The following TMPRSS4 variants were observed in gnomAD, a reference collection of about 807,000 sequenced individuals.
TMPRSS4 encodes transmembrane serine protease 4, also known as transmembrane protease serine 4.
Under a neutral mutation model 56.4 loss-of-function variants are expected in TMPRSS4, and 45 were observed. That is an observed-to-expected ratio of 0.80 (90% CI 0.63 to 1.02). The LOEUF is 1.02. TMPRSS4 is among the 50% of genes least tolerant of loss of function. The pLI, the probability that TMPRSS4 is intolerant of heterozygous loss-of-function variation, is 0.00. For synonymous variants in TMPRSS4, 205 were observed against 211.0 expected, an observed-to-expected ratio of 0.97 and a Z score of 0.25; for missense variants, 546 against 556.7, an observed-to-expected ratio of 0.98 and a Z score of 0.19.
chr11:118,106,488 CTT>C lies in TMPRSS4; in HGVS notation c.441-1271_441-1270del, dbSNP rs113285420. ...CCTAGGGATCATCTAGTCCACGCAT[CTT>C]TTTTTTTTTTTTTTGACAGAGTCTC... On this transcript the variant is annotated intron_variant, in intron 5 of 12. Transcript: ENST00000437212. 6.5e-3 allele frequency: 913 copies of C among 139,444 alleles called. 13 individuals carry two copies. Among genetic ancestry groups the C allele is most frequent in the African/African-American group, 0.022 (853 of 37,938 alleles). 8.6% of individuals were successfully genotyped at this position (139,444 alleles called of 1,614,324 possible).
chr11:118,096,899 GAA>G (rs1258137024), intron 2 of TMPRSS4, among the ~76,000 whole-genome samples: 3 of 49,996 alleles, frequency 6.0e-5, no homozygotes, highest in African/African-American at 1.7e-4. Flanking sequence ...AAGAAAGAAA[GAA>G]AGAAAGAAAG....
At chr11:118,099,531 G>A (rs544055040) in intron 3 of TMPRSS4, among the ~76,000 whole-genome samples, 27 of 151,734 alleles carry the variant, frequency 1.8e-4, no homozygotes, top group South Asian at 8.3e-4. Flanking sequence ...TTTGAAGAGA[G>A]CCTTCTTCTA....
At position 118,118,149 on chromosome 11, in the gene TMPRSS4, C is replaced by T; in HGVS notation, c.*236C>T. The T allele has an allele frequency of 1.4e-6, 2 of 1,419,206 alleles. No homozygotes were observed. The highest frequency in any genetic ancestry group is 3.1e-5 in the South Asian group (2 of 64,104). 87.9% of individuals were successfully genotyped at this position (1,419,206 alleles called of 1,614,324 possible). On this transcript the variant is annotated 3_prime_UTR_variant, in exon 13 of 13. Coordinates refer to ENST00000437212, the MANE Select transcript of TMPRSS4 (RefSeq NM_019894.4). ...GCCACACTTGGTGCTCCCAGCATCC[C>T]AGGGAGAGACACAGCCCACTGAACA... is the stretch of plus-strand genomic sequence containing the variant.
At chr11:118,110,321 G>A (rs1365933633) in intron 7 of TMPRSS4, among the ~76,000 whole-genome samples, 1 of 150,770 alleles carries the variant, frequency 6.6e-6, no homozygotes, top group South Asian at 2.1e-4. Context: ...ACCAAGAGGG[G>A]GATAGAGAGC....
At chr11:118,103,662 G>A (rs565348853) in intron 4 of TMPRSS4, among the ~76,000 whole-genome samples, 6 of 152,320 alleles carry the variant, frequency 3.9e-5, no homozygotes, top group East Asian at 3.9e-4. Context: ...GATTACAGGC[G>A]TGAGCCACCG....
chr11:118,113,022 C>T (rs1947357398), intron 8 of TMPRSS4, among the ~76,000 whole-genome samples: 1 of 151,960 alleles, frequency 6.6e-6, no homozygotes, highest in South Asian at 2.1e-4. Context: ...GAGCCCCTTC[C>T]CCAGCCCTCC....
intron 8 of TMPRSS4, 128 bp downstream of exon 8, chr11:118,112,028 T>A: frequency 7.5e-7 from 1 of 1,325,118 alleles, no homozygotes; most frequent in Non-Finnish European, 1.0e-6. Flanking sequence ...CAGGTTGTGG[T>A]GGCCCCAATG....
chr11:118,085,771 C>T (rs1277437741), intron 1 of TMPRSS4, among the ~76,000 whole-genome samples: 1 of 152,146 alleles, frequency 6.6e-6, no homozygotes, highest in Non-Finnish European at 1.5e-5. Flanking sequence ...TCTCGAGTCC[C>T]CTCCAGCCAT....
intron 1 of TMPRSS4, among the ~76,000 whole-genome samples, chr11:118,078,896 A>G (rs1349006700): frequency 3.3e-5 from 5 of 152,146 alleles, no homozygotes; most frequent in Non-Finnish European, 5.9e-5. Flanking sequence ...CAGAGATTAC[A>G]CAGCTAATAC....
chr11:118,101,182 A>T (rs1018744688), intron 3 of TMPRSS4, among the ~76,000 whole-genome samples: 6 of 152,174 alleles, frequency 3.9e-5, no homozygotes, highest in Non-Finnish European at 8.8e-5. Context: ...TGGGAAAATA[A>T]AGCCTGACCT....
chr11:118,085,787 A>G (rs899581786), intron 1 of TMPRSS4, among the ~76,000 whole-genome samples: 13 of 152,168 alleles, frequency 8.5e-5, no homozygotes, highest in African/African-American at 2.9e-4. Context: ...GCCATTGTCC[A>G]GGCATTGTCC....
chr11:118,110,465 C>T (rs1224776442), intron 7 of TMPRSS4, among the ~76,000 whole-genome samples: 2 of 152,122 alleles, frequency 1.3e-5, no homozygotes, highest in African/African-American at 4.8e-5. Flanking sequence ...CCTCAGCCCC[C>T]TAAATAGCTG....
chr11:118,084,949 A>T (rs1195983412), intron 1 of TMPRSS4, among the ~76,000 whole-genome samples: 1 of 152,194 alleles, frequency 6.6e-6, no homozygotes, highest in South Asian at 2.1e-4. Context: ...TGATCAAGGC[A>T]GCTGAGACCC....
intron 1 of TMPRSS4, among the ~76,000 whole-genome samples, chr11:118,092,124 T>G (rs868568901): frequency 6.6e-6 from 1 of 152,134 alleles, no homozygotes; most frequent in Non-Finnish European, 1.5e-5. Flanking sequence ...CTGACCACCC[T>G]ATGAGAGAAG....
rs1947797670 is a variant in TMPRSS4 at position 118,121,636 on chromosome 11, G to A, written c.*3723G>A. ...GGCCTCCCAAAGTGCTGGGATTACA[G>A]GCGTGTCTACATATTATTAAAATAA... On this transcript the variant is annotated 3_prime_UTR_variant, in exon 13 of 13. Coordinates refer to ENST00000437212, the MANE Select transcript of TMPRSS4 (RefSeq NM_019894.4). 3 of 152,166 alleles carry A rather than the reference G, an allele frequency of 2.0e-5. No individual in the cohort carries two copies. The highest frequency in any genetic ancestry group is 4.4e-5 in the Non-Finnish European group (3 of 68,042). 9.4% of individuals were successfully genotyped at this position (152,166 alleles called of 1,614,324 possible).
downstream of TMPRSS4, among the ~76,000 whole-genome samples, chr11:118,124,982 A>G (rs626562): frequency 0.97 from 148,069 of 152,302 alleles, 72,001 homozygotes; most frequent in East Asian, 1. Context: ...TTCCATTCCC[A>G]CAGTTGTAAA....
chr11:118,107,617 G>A, intron 5 of TMPRSS4, 157 bp from the exon 6 acceptor site: 2 of 581,190 alleles, frequency 3.4e-6, no homozygotes, highest in Non-Finnish European at 6.1e-6. Flanking sequence ...AGCAAAGCAG[G>A]CCCCATCTTC....
At chr11:118,117,804 A>C in intron 12 of TMPRSS4, 98 bp from the exon 13 acceptor site, 1 of 1,611,310 alleles carries the variant, frequency 6.2e-7, no homozygotes, top group Non-Finnish European at 8.5e-7. Context: ...GGAGAGAAGC[A>C]AAGTGTTTCA....
At chr11:118,088,609 G>A (rs1424563434) in intron 1 of TMPRSS4, among the ~76,000 whole-genome samples, 1 of 152,180 alleles carries the variant, frequency 6.6e-6, no homozygotes, top group Non-Finnish European at 1.5e-5. Flanking sequence ...CACTGGCTGG[G>A]CTGGACCCAT....
Sources: allele counts gnomAD v4.1 joint callset (sites outside exome capture counted in the v4.1 genomes callset), GRCh38; gene constraint gnomAD v4.1.1; transcripts MANE v1.5; gene names NCBI Gene and HGNC (gene_info 2026-07-23, HGNC 2026-07-21).